Variants in KIF16B observed in about 807,000 individuals in gnomAD.
The protein encoded by KIF16B is kinesin family member 16B.
A neutral mutation model predicts 156.3 loss-of-function variants in KIF16B; 98 were observed. That is an observed-to-expected ratio of 0.63 (90% confidence interval 0.53 to 0.74). The LOEUF is 0.74. KIF16B is among the 30% of genes least tolerant of loss of function. KIF16B has a pLI of 0.00. For synonymous variants in KIF16B, 564 were observed against 583.7 expected, an observed-to-expected ratio of 0.97 and a Z score of 0.49; for missense variants, 1,421 against 1,606.5, an observed-to-expected ratio of 0.88 and a Z score of 1.97.
chr20:16,437,117 G>C (rs933420552), intron 12 of KIF16B, among the ~76,000 whole-genome samples: 1 of 152,190 alleles, frequency 6.6e-6, no homozygotes, highest in Non-Finnish European at 1.5e-5. Context: ...TTATTATACT[G>C]TATTGTTCAG....
At chr20:16,434,182 C>CATCT (rs1472079571) in intron 12 of KIF16B, among the ~76,000 whole-genome samples, 1 of 152,234 alleles carries the variant, frequency 6.6e-6, no homozygotes, top group African/African-American at 2.4e-5. Context: ...AACCTCCAGG[C>CATCT]ATCTATTCAG....
At chr20:16,368,193 A>C in intron 22 of KIF16B, 1 of 1,066,192 alleles carries the variant, frequency 9.4e-7, no homozygotes, top group Non-Finnish European at 1.1e-6. Context: ...GGAATTGCAC[A>C]AGGCTCTGCT....
intron 15 of KIF16B, among the ~76,000 whole-genome samples, chr20:16,409,101 GAGA>G (rs2065857847): frequency 6.6e-6 from 1 of 152,122 alleles, no homozygotes; most frequent in Admixed American, 6.5e-5. Context: ...GCAGCTGAAG[GAGA>G]AGAACTGTGT....
At chr20:16,566,299 C>T (rs1211874850) in intron 1 of KIF16B, among the ~76,000 whole-genome samples, 1 of 152,220 alleles carries the variant, frequency 6.6e-6, no homozygotes, top group African/African-American at 2.4e-5. Context: ...TCTTGAACCT[C>T]AGTCTTGCGT....
At chr20:16,353,907 T>G (rs947081686) in intron 23 of KIF16B, among the ~76,000 whole-genome samples, 2 of 152,204 alleles carry the variant, frequency 1.3e-5, no homozygotes, top group Non-Finnish European at 2.9e-5. Flanking sequence ...TGCTAACACA[T>G]TCCTGGTGCT....
At chr20:16,309,556 T>A (rs2063589418) in intron 25 of KIF16B, among the ~76,000 whole-genome samples, 1 of 152,228 alleles carries the variant, frequency 6.6e-6, no homozygotes, top group Non-Finnish European at 1.5e-5. Flanking sequence ...CAAAATGGTG[T>A]TTATGTCTTT....
chr20:16,426,742 T>C (rs995226723), intron 15 of KIF16B, among the ~76,000 whole-genome samples: 2 of 152,132 alleles, frequency 1.3e-5, no homozygotes, highest in Admixed American at 1.3e-4. Context: ...TATGTTACAA[T>C]TATATCTATT....
chr20:16,288,056 C>G (rs1231233307), intron 25 of KIF16B, among the ~76,000 whole-genome samples: 1 of 152,200 alleles, frequency 6.6e-6, no homozygotes, highest in Non-Finnish European at 1.5e-5. Context: ...TGTTTGGCAA[C>G]AAGCTCAATA....
At chr20:16,384,774 A>C (rs1003100099) in intron 17 of KIF16B, among the ~76,000 whole-genome samples, 1 of 152,092 alleles carries the variant, frequency 6.6e-6, no homozygotes, top group Non-Finnish European at 1.5e-5. Context: ...CCCCATGCTC[A>C]TGTGTGACAC....
chr20:16,425,008 C>G (rs559898282), intron 15 of KIF16B, among the ~76,000 whole-genome samples: 44 of 152,188 alleles, frequency 2.9e-4, no homozygotes, highest in Non-Finnish European at 5.3e-4. Flanking sequence ...TATAGAAGTA[C>G]AGTTGTAAAG....
intron 12 of KIF16B, among the ~76,000 whole-genome samples, chr20:16,442,348 G>A (rs1206315342): frequency 2.0e-5 from 3 of 149,732 alleles, no homozygotes; most frequent in Non-Finnish European, 3.0e-5. Context: ...GTGTGTGTGT[G>A]TATATATATA....
rs546224536 is a variant in KIF16B at position 16,560,524 on chromosome 20, T to C, written c.47+12705A>G. ...CCTACACTCTTAAAAGTTTAAAATC[T>C]TGATCTGAGCAATGGCTCAAGCCTG... On this transcript the variant is annotated intron_variant, in intron 1 of 25. Transcript: ENST00000354981. 3.9e-5 allele frequency among the ~76,000 whole-genome samples: 6 copies of C among 152,310 alleles called. No homozygotes were observed. The South Asian group carries it at 1.2e-3, about 32-fold the overall frequency.
At chr20:16,442,447 C>T (rs146491842) in intron 12 of KIF16B, among the ~76,000 whole-genome samples, 9 of 149,572 alleles carry the variant, frequency 6.0e-5, no homozygotes, top group African/African-American at 2.2e-4. Flanking sequence ...TGAATATATA[C>T]AATTTTCCAC....
intron 12 of KIF16B, among the ~76,000 whole-genome samples, chr20:16,450,578 C>A (rs748487788): frequency 7.2e-5 from 11 of 152,328 alleles, no homozygotes; most frequent in Non-Finnish European, 1.3e-4. Context: ...TCCTCCACGT[C>A]CCACGTGCCT....
chr20:16,287,410 G>A (rs1475616182), intron 25 of KIF16B, among the ~76,000 whole-genome samples: 1 of 152,172 alleles, frequency 6.6e-6, no homozygotes, highest in East Asian at 1.9e-4. Flanking sequence ...AGAGAAGTCT[G>A]AGAGCTCCAA....
intron 1 of KIF16B, among the ~76,000 whole-genome samples, chr20:16,531,605 T>C (rs1157384640): frequency 1.3e-5 from 2 of 152,060 alleles, no homozygotes; most frequent in Non-Finnish European, 2.9e-5. Context: ...GAATGACAAG[T>C]GTAAGTGGGA....
chr20:16,396,648 C>CTTCTT (rs549708653), intron 17 of KIF16B, among the ~76,000 whole-genome samples: 19,697 of 124,424 alleles, frequency 0.16, 2,336 homozygotes, highest in African/African-American at 0.34. Flanking sequence ...ACTGTAGTCG[C>CTTCTT]TTTTTTTTTT....
At chr20:16,497,542 C>T in intron 11 of KIF16B, 71 bp downstream of exon 11, 1 of 1,226,758 alleles carries the variant, frequency 8.2e-7, no homozygotes, top group Non-Finnish European at 1.2e-6. Context: ...AACGGCAAGT[C>T]CTAAAAAAGC....
At chr20:16,363,830 A>G (rs996712616) in intron 22 of KIF16B, among the ~76,000 whole-genome samples, 2 of 152,208 alleles carry the variant, frequency 1.3e-5, no homozygotes, top group African/African-American at 4.8e-5. Flanking sequence ...TTAATGTGCC[A>G]CTGAAATTTG....
Sources: allele counts gnomAD v4.1 joint callset (sites outside exome capture counted in the v4.1 genomes callset), GRCh38; gene constraint gnomAD v4.1.1; transcripts MANE v1.5; gene names NCBI Gene and HGNC (gene_info 2026-07-23, HGNC 2026-07-21).